Variants in ADGRV1 observed in about 807,000 individuals in gnomAD.
ADGRV1 encodes the protein G-protein coupled receptor 98.
In ADGRV1, 359 loss-of-function variants were observed where a neutral mutation model predicts 596.2. That is an observed-to-expected ratio of 0.60 (90% CI 0.55 to 0.66). The LOEUF (loss-of-function observed/expected upper bound fraction) is 0.66, where lower values mean the gene tolerates loss of function less well. Among genes scored for constraint, ADGRV1 ranks in the 30% least tolerant of loss-of-function variants. The pLI is 0.00. For synonymous variants in ADGRV1, 2,681 were observed against 2,679.2 expected, an observed-to-expected ratio of 1.00 and a Z score of -0.02; for missense variants, 7,274 against 7,575.6, an observed-to-expected ratio of 0.96 and a Z score of 1.48.
intron 1 of ADGRV1, among the ~76,000 whole-genome samples, chr5:90,601,008 G>A (rs933714212): frequency 4.6e-5 from 7 of 152,084 alleles, no homozygotes; most frequent in African/African-American, 9.7e-5. Context: ...AGGCCGAGGC[G>A]GGTGGATCAC....
chr5:90,883,591 C>T (rs2150552424), intron 83 of ADGRV1, among the ~76,000 whole-genome samples: 1 of 152,300 alleles, frequency 6.6e-6, no homozygotes, highest in East Asian at 1.9e-4. Context: ...TTCTCTCCCA[C>T]CTTCCAAATG....
chr5:90,767,031 CT>C (rs1255157919), intron 59 of ADGRV1, among the ~76,000 whole-genome samples: 2 of 152,094 alleles, frequency 1.3e-5, no homozygotes, highest in Non-Finnish European at 2.9e-5. Context: ...ACTCCTAAGT[CT>C]TTTTCTGGAA....
intron 1 of ADGRV1, among the ~76,000 whole-genome samples, chr5:90,586,304 C>T (rs535046458): frequency 1.3e-5 from 2 of 152,276 alleles, no homozygotes; most frequent in East Asian, 3.9e-4. Flanking sequence ...TCCTACCTAG[C>T]AAAACTAACA....
Position 90,965,460 on chromosome 5 carries a change from G to A in ADGRV1, c.17902G>A (p.Glu5968Lys), listed in dbSNP as rs1390058931. The A allele has an allele frequency of 1.9e-6, 3 of 1,613,680 alleles. No homozygotes were observed. The highest frequency in any genetic ancestry group is 2.7e-5 in the African/African-American group (2 of 74,932). Residue 5968 changes from glutamate to lysine, a missense_variant, in exon 84 of 90, where the codon GAG becomes AAG. Around this residue, in one of 5 missense-constraint regions of ADGRV1, gnomAD observed 1,874 missense variants for 1,970.2 expected, o/e 0.95. Transcript: ENST00000405460. ...ATACGCAAGTCCCCAACTCGCTGAGGAGAGCTGTTCAGCTATGGCTGCTGT... is the reference window on the plus strand; with the variant it reads ...ATACGCAAGTCCCCAACTCGCTGAGAAGAGCTGTTCAGCTATGGCTGCTGT... Reference protein sequence around the residue: ...SAYASPQLAEESCSAMAAVTH... With the variant: ...SAYASPQLAEKSCSAMAAVTH...
intron 64 of ADGRV1, among the ~76,000 whole-genome samples, chr5:90,780,846 A>G (rs1416387465): frequency 6.6e-6 from 1 of 152,134 alleles, no homozygotes; most frequent in Non-Finnish European, 1.5e-5. Context: ...GACTGCAGGC[A>G]TGTGCCATCA....
In ADGRV1 at chr5:90,802,832, G is replaced by T; in HGVS notation, c.14611G>T (p.Glu4871Ter). The change falls in exon 71 of 90, where the codon GAA (glutamate) becomes TAA (stop). Residue 4871 changes from glutamate to a stop codon, truncating the protein, a stop_gained. Transcript: ENST00000405460. LOFTEE classifies it high-confidence loss of function. ...RFYGMPTILQ[E>*]AKSAVLPVSE... ...CTATGGAATGCCAACAATTCTTCAG[G>T]AAGCAAAATCTGCTGTCCTTCCAGT... The T allele has an allele frequency of 6.2e-7, 1 of 1,611,380 alleles. No individual in the cohort carries two copies. Among genetic ancestry groups the T allele is most frequent in the Non-Finnish European group, 8.5e-7 (1 of 1,178,864 alleles).
chr5:90,743,508 G>A (rs1053403150), intron 50 of ADGRV1, among the ~76,000 whole-genome samples: 4 of 126,424 alleles, frequency 3.2e-5, no homozygotes, highest in Non-Finnish European at 6.3e-5. Flanking sequence ...GTCTTAATGT[G>A]TCGCCCAGGC....
rs202066007 is a variant in ADGRV1 at position 90,763,391 on chromosome 5, C to T, written c.12207C>T (p.Thr4069=). The T allele has an allele frequency of 6.1e-5, 99 of 1,613,342 alleles. 1 individual carries two copies. The Admixed American group carries it at 9.0e-4, about 15-fold the overall frequency. The part of the protein sequence containing the change: ...TVVRSPGGKG[T]VRLEWTIDEK... ...TCCGGTCCCCAGGAGGAAAAGGAAC[C>T]GTCCGACTTGAGTGGACCATAGATG... Residue 4069 remains threonine (T), a synonymous_variant, in exon 59 of 90, where the codon ACC becomes ACT. Transcript: ENST00000405460.
At chr5:91,133,326 G>A (rs1362591314) in intron 87 of ADGRV1, among the ~76,000 whole-genome samples, 1 of 152,174 alleles carries the variant, frequency 6.6e-6, no homozygotes, top group African/African-American at 2.4e-5. Context: ...GGTCACCCTA[G>A]GTGGCCTGGG....
At chr5:91,041,968 A>C (rs992218330) in intron 85 of ADGRV1, among the ~76,000 whole-genome samples, 1 of 152,190 alleles carries the variant, frequency 6.6e-6, no homozygotes, top group Non-Finnish European at 1.5e-5. Context: ...ATGTGGCTAA[A>C]ATTAGCCCTC....
At chr5:90,746,302 C>G (rs758389052) in intron 52 of ADGRV1, among the ~76,000 whole-genome samples, 1 of 152,068 alleles carries the variant, frequency 6.6e-6, no homozygotes, top group Non-Finnish European at 1.5e-5. Flanking sequence ...ATGTAGATGT[C>G]TTCCTGAGGA....
chr5:91,140,600 A>T (rs1795016392), intron 87 of ADGRV1, among the ~76,000 whole-genome samples: 1 of 152,122 alleles, frequency 6.6e-6, no homozygotes, highest in African/African-American at 2.4e-5. Context: ...CCTTTTCTAT[A>T]TTATTAAGTC....
intron 83 of ADGRV1, among the ~76,000 whole-genome samples, chr5:90,924,508 G>A (rs945067463): frequency 1.3e-5 from 2 of 151,004 alleles, no homozygotes; most frequent in African/African-American, 4.9e-5. Flanking sequence ...TTTGTTTTGA[G>A]TTCATTGTAG....
At chr5:90,815,453 T>C (rs1469131113) in intron 74 of ADGRV1, among the ~76,000 whole-genome samples, 166 bp from the exon 75 acceptor site, 2 of 152,234 alleles carry the variant, frequency 1.3e-5, no homozygotes, top group Non-Finnish European at 2.9e-5. Context: ...CTTGATGTTA[T>C]CACAGTTTAG....
chr5:90,569,146 C>T (rs1756050532), intron 1 of ADGRV1, among the ~76,000 whole-genome samples: 3 of 151,702 alleles, frequency 2.0e-5, no homozygotes, highest in Admixed American at 6.6e-5. Context: ...GGAGGCCACT[C>T]CTGTGATGAC....
intron 1 of ADGRV1, among the ~76,000 whole-genome samples, chr5:90,590,753 G>A (rs1759381761): frequency 6.6e-6 from 1 of 152,114 alleles, no homozygotes; most frequent in Non-Finnish European, 1.5e-5. Context: ...CAATTTGAAA[G>A]TATAATAATA....
In ADGRV1 at chr5:90,711,368, T is replaced by A. The variant is rs771312875; in HGVS notation, c.9042+46T>A. The stretch of plus-strand genomic sequence containing the variant: ...CAGATGACTTTTACAAATTATTTTA[T>A]AATCATTATTCCTTGAGAATTACAG... On this transcript the variant is annotated intron_variant, in intron 41 of 89. Transcript: ENST00000405460. 2.1e-6 allele frequency: 3 copies of A among 1,461,486 alleles called. No individual in the cohort carries two copies. The South Asian group carries it at 4.1e-5, about 20-fold the overall frequency. 90.5% of individuals were successfully genotyped at this position (1,461,486 alleles called of 1,614,324 possible). A position where few individuals can be genotyped will look rare whatever the true frequency, so the allele number is the denominator to read the frequency against.
intron 87 of ADGRV1, among the ~76,000 whole-genome samples, chr5:91,121,927 T>A (rs916436854): frequency 1.3e-5 from 2 of 152,144 alleles, no homozygotes; most frequent in African/African-American, 4.8e-5. Flanking sequence ...TGTCAAATGT[T>A]GTTCTTTTGC....
At chr5:90,938,994 T>A (rs1394210002) in intron 83 of ADGRV1, among the ~76,000 whole-genome samples, 1 of 152,206 alleles carries the variant, frequency 6.6e-6, no homozygotes, top group Non-Finnish European at 1.5e-5. Flanking sequence ...TCTATGCTGG[T>A]GGAAGACTAT....
Sources: gnomAD v4.1 joint callset for allele counts (sites outside exome capture counted in the v4.1 genomes callset) on GRCh38, gnomAD v4.1.1 for gene constraint, gnomAD v4.1.1 regional missense constraint, MANE v1.5 for transcripts, NCBI Gene and HGNC (gene_info 2026-07-23, HGNC 2026-07-21) for gene names.